Variants in CSMD3 observed in about 807,000 individuals in gnomAD.
The protein encoded by CSMD3 is CUB and Sushi multiple domains 3.
In CSMD3, 177 loss-of-function variants were observed where a neutral mutation model predicts 435.2. That is an observed-to-expected ratio of 0.41 (90% CI 0.36 to 0.46). CSMD3 has a LOEUF of 0.46. Among genes scored for constraint, CSMD3 ranks in the 20% least tolerant of loss-of-function variants. The pLI, the probability that CSMD3 is intolerant of heterozygous loss-of-function variation, is 0.34. For synonymous variants in CSMD3, 1,656 were observed against 1,520.5 expected, an observed-to-expected ratio of 1.09 and a Z score of -2.07; for missense variants, 4,265 against 4,504.6, an observed-to-expected ratio of 0.95 and a Z score of 1.52.
chr8:112,662,254 G>A (rs60522646), intron 17 of CSMD3, among the ~76,000 whole-genome samples: 1,682 of 152,190 alleles, frequency 0.011, 34 homozygotes, highest in African/African-American at 0.038. Context: ...GAGGCATCAC[G>A]CTACCTGACT....
At chr8:112,356,992 C>T (rs1199767360) in intron 38 of CSMD3, among the ~76,000 whole-genome samples, 2 of 152,096 alleles carry the variant, frequency 1.3e-5, no homozygotes, top group Non-Finnish European at 2.9e-5. Context: ...AAAAGATACT[C>T]AAAAATGTGG....
intron 38 of CSMD3, among the ~76,000 whole-genome samples, chr8:112,374,971 CAG>C (rs1316268753): frequency 1.3e-5 from 2 of 152,168 alleles, no homozygotes; most frequent in Non-Finnish European, 2.9e-5. Flanking sequence ...TTCAAACTAA[CAG>C]ATTAAACGCC....
chr8:113,138,368 C>T (rs2131717870), intron 4 of CSMD3, among the ~76,000 whole-genome samples: 1 of 151,520 alleles, frequency 6.6e-6, no homozygotes, highest in African/African-American at 2.4e-5. Flanking sequence ...TTGTCCTTAG[C>T]TTATAAATGC....
chr8:112,434,908 C>G (rs768118275), intron 32 of CSMD3, among the ~76,000 whole-genome samples: 19 of 152,036 alleles, frequency 1.2e-4, no homozygotes, highest in Non-Finnish European at 2.2e-4. Context: ...AAATCTTTGA[C>G]CTAATGTTTT....
chr8:112,686,583 T>G (rs1171187635), intron 14 of CSMD3, among the ~76,000 whole-genome samples: 1 of 150,664 alleles, frequency 6.6e-6, no homozygotes, highest in Non-Finnish European at 1.5e-5. Flanking sequence ...ACCTTCCGGG[T>G]TCAAGAGATT....
chr8:112,658,600 T>C (rs1321541806), intron 17 of CSMD3, among the ~76,000 whole-genome samples: 1 of 152,134 alleles, frequency 6.6e-6, no homozygotes, highest in Non-Finnish European at 1.5e-5. Flanking sequence ...TTCAATAATA[T>C]GGTGTAGAGA....
chr8:112,755,331 A>AAATAGT (rs2077668550), intron 13 of CSMD3, among the ~76,000 whole-genome samples: 1 of 128,734 alleles, frequency 7.8e-6, no homozygotes. Flanking sequence ...ACTCCGTCTC[A>AAATAGT]AATAATAATA....
intron 4 of CSMD3, among the ~76,000 whole-genome samples, chr8:113,112,340 C>A (rs1285227052): frequency 2.2e-5 from 3 of 137,738 alleles, no homozygotes; most frequent in African/African-American, 8.3e-5. Flanking sequence ...TGGTCTGCAA[C>A]CAGACCTCTC....
intron 32 of CSMD3, among the ~76,000 whole-genome samples, chr8:112,451,019 TTAAA>T (rs1240132593): frequency 6.6e-6 from 1 of 152,134 alleles, no homozygotes; most frequent in African/African-American, 2.4e-5. Context: ...ATAGAAATGG[TTAAA>T]TAAACATTGG....
At chr8:112,623,763 G>C (rs1834264530) in intron 22 of CSMD3, among the ~76,000 whole-genome samples, 1 of 149,924 alleles carries the variant, frequency 6.7e-6, no homozygotes, top group South Asian at 2.1e-4. Flanking sequence ...TAGTGGGATA[G>C]ATAAATATAT....
chr8:112,492,829 T>C, intron 30 of CSMD3, 146 bp from the exon 31 acceptor site: 1 of 700,714 alleles, frequency 1.4e-6, no homozygotes, highest in Non-Finnish European at 2.6e-6. Flanking sequence ...TATACAGACT[T>C]TTTTTGTCAT....
chr8:112,832,725 T>G (rs759448073), intron 11 of CSMD3, among the ~76,000 whole-genome samples: 34 of 152,270 alleles, frequency 2.2e-4, no homozygotes, highest in Non-Finnish European at 4.1e-4. Flanking sequence ...CGGTACAACC[T>G]TGAAAAGAAG....
At chr8:112,439,428 C>T (rs1405062532) in intron 32 of CSMD3, among the ~76,000 whole-genome samples, 1 of 151,946 alleles carries the variant, frequency 6.6e-6, no homozygotes, top group Non-Finnish European at 1.5e-5. Flanking sequence ...TGTGAGCCAC[C>T]GTGACATACT....
intron 70 of CSMD3, among the ~76,000 whole-genome samples, chr8:112,225,943 T>A (rs1184216687): frequency 6.6e-6 from 1 of 152,152 alleles, no homozygotes; most frequent in Non-Finnish European, 1.5e-5. Context: ...ACATTTGTAA[T>A]GGAAAAAAGG....
At chr8:113,191,203 T>G (rs998001104) in intron 3 of CSMD3, among the ~76,000 whole-genome samples, 4 of 151,838 alleles carry the variant, frequency 2.6e-5, no homozygotes, top group African/African-American at 4.8e-5. Flanking sequence ...TTCATACCAT[T>G]CTCAAATTCC....
At chr8:113,181,232 T>C (rs1229994398) in intron 3 of CSMD3, among the ~76,000 whole-genome samples, 2 of 151,950 alleles carry the variant, frequency 1.3e-5, no homozygotes, top group Non-Finnish European at 2.9e-5. Context: ...CTATTGTCAT[T>C]TTAAAAAAAT....
chr8:112,569,742 C>G (rs1012760357), intron 24 of CSMD3, among the ~76,000 whole-genome samples: 1 of 152,114 alleles, frequency 6.6e-6, no homozygotes, highest in Non-Finnish European at 1.5e-5. Context: ...CATCAAGATA[C>G]GTGGGATTAA....
At chr8:112,658,240 A>G (rs927971129) in intron 17 of CSMD3, among the ~76,000 whole-genome samples, 1 of 152,150 alleles carries the variant, frequency 6.6e-6, no homozygotes. Flanking sequence ...TCAGAGAATC[A>G]CTTTTACTAT....
intron 10 of CSMD3, among the ~76,000 whole-genome samples, chr8:112,860,459 A>G (rs2080796224): frequency 6.6e-6 from 1 of 151,648 alleles, no homozygotes; most frequent in South Asian, 2.1e-4. Flanking sequence ...TTGCAATTCA[A>G]TCTTTTTTCC....
Sources: allele counts gnomAD v4.1 joint callset (sites outside exome capture counted in the v4.1 genomes callset), GRCh38; gene constraint gnomAD v4.1.1; transcripts MANE v1.5; gene names NCBI Gene and HGNC (gene_info 2026-07-23, HGNC 2026-07-21).